Variants in CCDC141 observed in about 807,000 individuals in gnomAD.
CCDC141 encodes the protein coiled-coil domain containing 141, also known as coiled-coil domain-containing protein 141.
CCDC141 carries 168 observed loss-of-function variants against 181.0 expected under a neutral mutation model. That is an observed-to-expected ratio of 0.93 (90% CI 0.82 to 1.05). CCDC141 has a LOEUF of 1.05. Among genes scored for constraint, CCDC141 ranks in the 50% least tolerant of loss-of-function variants. The pLI is 0.00. For missense variants in CCDC141, 1,902 were observed against 1,788.5 expected, an observed-to-expected ratio of 1.06 and a Z score of -1.14; for synonymous variants, 666 against 642.3, an observed-to-expected ratio of 1.04 and a Z score of -0.56.
chr2:178,868,165 T>C lies in CCDC141; in HGVS notation c.2435A>G (p.Glu812Gly). Reference protein sequence around the residue: ...LIKSRELEFVEQPKELGDAHD... With the variant: ...LIKSRELEFVGQPKELGDAHD... ...GGCATCACCCAGTTCCTTCGGCTGC[T>C]CTACAAACTCCAGCTCTCTTGATTT... Residue 812 changes from glutamate to glycine, a missense_variant, in exon 16 of 24, where the codon GAG becomes GGG. Transcript: ENST00000443758. 1.2e-6 allele frequency: 2 copies of C among 1,613,984 alleles called. No homozygotes were observed. The highest frequency in any genetic ancestry group is 1.7e-6 in the Non-Finnish European group (2 of 1,179,844).
At chr2:179,019,561 T>C (rs1282675548) in intron 2 of CCDC141, among the ~76,000 whole-genome samples, 1 of 152,088 alleles carries the variant, frequency 6.6e-6, no homozygotes, top group Non-Finnish European at 1.5e-5. Flanking sequence ...CATAAACCGC[T>C]TTTATTTTCT....
chr2:178,948,356 T>C (rs1470944750), intron 5 of CCDC141, among the ~76,000 whole-genome samples: 2 of 152,206 alleles, frequency 1.3e-5, no homozygotes, highest in Non-Finnish European at 2.9e-5. Context: ...AAATTTAAAA[T>C]CACATCAGTA....
intron 5 of CCDC141, among the ~76,000 whole-genome samples, chr2:178,954,038 T>C (rs1690061164): frequency 6.6e-6 from 1 of 152,238 alleles, no homozygotes; most frequent in African/African-American, 2.4e-5. Context: ...TTATCCTTCC[T>C]GCCCCTAAAG....
chr2:178,839,161 C>G (rs1209410013), intron 22 of CCDC141, among the ~76,000 whole-genome samples: 2 of 152,092 alleles, frequency 1.3e-5, no homozygotes, highest in Non-Finnish European at 2.9e-5. Flanking sequence ...CACCTGTAAT[C>G]CCAGCACTTT....
At chr2:179,005,889 C>T (rs2042111180) in intron 2 of CCDC141, among the ~76,000 whole-genome samples, 1 of 152,176 alleles carries the variant, frequency 6.6e-6, no homozygotes, top group African/African-American at 2.4e-5. Context: ...GGATTATAGG[C>T]ATGAGCCACC....
At chr2:178,923,326 G>T (rs986166007) in intron 6 of CCDC141, among the ~76,000 whole-genome samples, 1 of 151,744 alleles carries the variant, frequency 6.6e-6, no homozygotes, top group Non-Finnish European at 1.5e-5. Flanking sequence ...GGATGGTCTC[G>T]ATCTCCTGAC....
At chr2:178,817,270 G>T in the CCDC141 span, among the ~76,000 whole-genome samples, 1 of 152,058 alleles carries the variant, frequency 6.6e-6, no homozygotes, top group African/African-American at 2.4e-5. Flanking sequence ...TCTGAAATGT[G>T]CCACATGTTT....
chr2:178,847,473 G>A (rs969717503), intron 21 of CCDC141, among the ~76,000 whole-genome samples: 7 of 152,140 alleles, frequency 4.6e-5, no homozygotes, highest in Non-Finnish European at 7.4e-5. Context: ...CGAGGCTGCC[G>A]TGAGCCATGA....
chr2:178,939,113 T>C (rs1022404581), intron 6 of CCDC141, among the ~76,000 whole-genome samples: 3 of 152,162 alleles, frequency 2.0e-5, no homozygotes, highest in Non-Finnish European at 4.4e-5. Flanking sequence ...CAAAGGCTGC[T>C]AGGTCTTTCC....
At chr2:178,820,782 AG>A in the CCDC141 span, among the ~76,000 whole-genome samples, 1 of 152,198 alleles carries the variant, frequency 6.6e-6, no homozygotes, top group Non-Finnish European at 1.5e-5. Context: ...TATATAATAA[AG>A]GCTAAGATTT....
downstream of CCDC141, among the ~76,000 whole-genome samples, chr2:178,827,687 T>G (rs571367364): frequency 6.6e-6 from 1 of 152,070 alleles, no homozygotes; most frequent in Non-Finnish European, 1.5e-5. Context: ...GAGTGCTGGT[T>G]TGAAAGGCTG....
At chr2:178,876,670 G>A (rs1686370809) in intron 12 of CCDC141, 2 of 152,130 alleles carry the variant, frequency 1.3e-5, no homozygotes, top group South Asian at 4.1e-4. Context: ...ATGCCAATCT[G>A]CCCTTTAGGC....
chr2:178,910,665 G>T (rs776944719), intron 7 of CCDC141, among the ~76,000 whole-genome samples: 17 of 152,184 alleles, frequency 1.1e-4, no homozygotes, highest in Non-Finnish European at 2.2e-4. Flanking sequence ...TGCCCTGAAG[G>T]CCAGAATATA....
chr2:178,871,338 C>T, intron 14 of CCDC141, 89 bp downstream of exon 14: 2 of 1,365,632 alleles, frequency 1.5e-6, no homozygotes, highest in South Asian at 1.5e-5. Flanking sequence ...AGAAATTCAC[C>T]AGCCTGTTAC....
chr2:179,002,478 A>G (rs905823741), intron 2 of CCDC141: 9 of 411,434 alleles, frequency 2.2e-5, no homozygotes, highest in Non-Finnish European at 3.4e-5. Context: ...CAGAATCCAC[A>G]AACTTTTCAA....
At chr2:179,050,122 TGAGAGAGAAAGGAGCGAAC>T in exon 1 of CCDC141, 1 of 911,930 alleles carries the variant, frequency 1.1e-6, no homozygotes, top group South Asian at 2.3e-5. Flanking sequence ...GAGTTTATCG[TGAGAGAGAAAGGAGCGAAC>T]GAGAGAGAAT....
chr2:179,004,204 C>G (rs922659908), intron 2 of CCDC141, among the ~76,000 whole-genome samples: 6 of 152,172 alleles, frequency 3.9e-5, no homozygotes, highest in Admixed American at 2.0e-4. Context: ...GGGCTGAAGA[C>G]TGCATTAATG....
chr2:179,006,423 G>A (rs147537475), intron 2 of CCDC141, among the ~76,000 whole-genome samples: 93 of 152,190 alleles, frequency 6.1e-4, no homozygotes, highest in Middle Eastern at 6.8e-3. Context: ...TTCAGAGAGT[G>A]GTTCAATGAT....
intron 5 of CCDC141, among the ~76,000 whole-genome samples, chr2:178,948,604 T>A (rs1689826863): frequency 6.6e-6 from 1 of 152,176 alleles, no homozygotes; most frequent in Non-Finnish European, 1.5e-5. Flanking sequence ...ATCCCCAGTG[T>A]TGGAGATGGC....
Sources: gnomAD v4.1 joint callset for allele counts (sites outside exome capture counted in the v4.1 genomes callset) on GRCh38, gnomAD v4.1.1 for gene constraint, MANE v1.5 for transcripts, NCBI Gene and HGNC (gene_info 2026-07-23, HGNC 2026-07-21) for gene names.